The following ADPRHL1 variants were observed in gnomAD, a reference collection of about 807,000 sequenced individuals.
The protein encoded by ADPRHL1 is inactive ADP-ribosyltransferase ARH2.
Under a neutral mutation model 44.1 loss-of-function variants are expected in ADPRHL1, and 43 were observed. That is an observed-to-expected ratio of 0.98 (90% CI 0.76 to 1.26). The LOEUF (loss-of-function observed/expected upper bound fraction) is 1.26. Among genes scored for constraint, ADPRHL1 ranks in the 50% most tolerant of loss-of-function variants. The pLI, the probability that ADPRHL1 is intolerant of heterozygous loss-of-function variation, is 0.00. For synonymous variants in ADPRHL1, 878 were observed against 1,017.4 expected (o/e 0.86, Z 2.61); for missense variants, 2,022 against 2,496.9 (o/e 0.81, Z 4.05).
chr13:113,411,905 C>T (rs2043854800), intron 7 of ADPRHL1, among the ~76,000 whole-genome samples: 1 of 152,264 alleles, frequency 6.6e-6, no homozygotes, highest in African/African-American at 2.4e-5. Flanking sequence ...GCTGTCCTGC[C>T]ATTCCCCTGG....
intron 7 of ADPRHL1, among the ~76,000 whole-genome samples, chr13:113,416,847 G>A (rs909206970): frequency 1.3e-5 from 2 of 152,206 alleles, no homozygotes; most frequent in Non-Finnish European, 2.9e-5. Context: ...AGGATATAGG[G>A]TCGGCAGGTT....
chr13:113,407,862 G>C lies in ADPRHL1; in HGVS notation c.1420C>G (p.Leu474Val), dbSNP rs964821941. ...GGLVGATINK[L>V]LEKTKEPAPK... is the part of the protein sequence containing the mutation. ...GCCGGCTCCTTGGTCTTCTCCAGGA[G>C]CTTGTTGATGGTGGCACCCACGAGG... Residue 474 changes from leucine to valine, a missense_variant, in exon 8 of 8, where the codon CTC (leucine) becomes GTC (valine). Physicochemically the swap from Leu to Val is conservative, Grantham distance 32 (BLOSUM62 1). Coordinates refer to ENST00000612156, the MANE Select transcript of ADPRHL1 (RefSeq NM_001394807.1). 48 of 1,231,868 alleles carry C rather than the reference G, an allele frequency of 3.9e-5. No homozygotes were observed. Among genetic ancestry groups the C allele is most frequent in the Admixed American group, 8.4e-5 (2 of 23,712 alleles). 76.3% of individuals were successfully genotyped at this position (1,231,868 alleles called of 1,614,324 possible). A position where few individuals can be genotyped will look rare whatever the true frequency, so the allele number is the denominator to read the frequency against.
At chr13:113,435,205 ATAGGTGTACCCCGGGACCCAGCACCCAGG>A (rs2044042561) in intron 2 of ADPRHL1, among the ~76,000 whole-genome samples, 2 of 19,460 alleles carry the variant, frequency 1.0e-4, no homozygotes, top group Non-Finnish European at 2.9e-4. Flanking sequence ...TAGAGTGAAC[ATAGGTGTACCCCGGGACCCAGCACCCAGG>A]TGTAGAGTGA....
chr13:113,408,928 G>A, intron 7 of ADPRHL1, among the ~76,000 whole-genome samples: 1 of 150,776 alleles, frequency 6.6e-6, no homozygotes, highest in South Asian at 2.1e-4. Context: ...GGAGGAGCGG[G>A]TTGCAGAGAG....
chr13:113,404,152 C>G lies in ADPRHL1; in HGVS notation c.5130G>C (p.Glu1710Asp). ...CTTTCTGGGCCTGTTCCCGAGCCCG[C>G]TCCTGAGCCCCTTTCTGGGCCTGTT... ...AREQAQKGAQ[E>D]RAREQAQKGA... Residue 1710 changes from glutamate (E) to aspartate (D), a missense_variant, in exon 8 of 8, where the codon GAG becomes GAC. Transcript: ENST00000612156. 1 of 623,072 alleles carries G rather than the reference C, an allele frequency of 1.6e-6. No homozygotes were observed. Among genetic ancestry groups the G allele is most frequent in the African/African-American group, 7.7e-5 (1 of 12,912 alleles). 38.6% of individuals were successfully genotyped at this position (623,072 alleles called of 1,614,324 possible). A position where few individuals can be genotyped will look rare whatever the true frequency, so the allele number is the denominator to read the frequency against.
At position 113,424,296 on chromosome 13, in the gene ADPRHL1, G is replaced by C. The variant is rs1321308932; in HGVS notation, c.828C>G (p.Ala276=). Reference sequence around the variant, plus strand: ...GGAGGGCGTCATAGGCTATCATGGGGGCATCGTGGCCTCGTCTTCCCCCTC... The same window carrying C: ...GGAGGGCGTCATAGGCTATCATGGGCGCATCGTGGCCTCGTCTTCCCCCTC... ...EGRGGRRGHD[A]PMIAYDALLA... Residue 276 remains alanine (A), a synonymous_variant, in exon 6 of 8, where the codon GCC becomes GCG. Coordinates refer to ENST00000612156, the MANE Select transcript of ADPRHL1 (RefSeq NM_001394807.1). 3.1e-6 allele frequency: 5 copies of C among 1,612,918 alleles called. No homozygotes were observed. In the South Asian group the frequency reaches 5.5e-5, roughly 18 times the overall value.
At chr13:113,411,498 G>A (rs551015237) in intron 7 of ADPRHL1, among the ~76,000 whole-genome samples, 2 of 152,318 alleles carry the variant, frequency 1.3e-5, no homozygotes, top group East Asian at 1.9e-4. Context: ...TGAGGTCAGC[G>A]TGTCATCAAG....
At chr13:113,451,497 T>TAGAGCA (rs1414495469) in intron 1 of ADPRHL1, among the ~76,000 whole-genome samples, 1 of 152,028 alleles carries the variant, frequency 6.6e-6, no homozygotes, top group Non-Finnish European at 1.5e-5. Flanking sequence ...CCTGAGAGCT[T>TAGAGCA]AGAGCAAACT....
intron 6 of ADPRHL1, among the ~76,000 whole-genome samples, 196 bp downstream of exon 6, chr13:113,424,021 A>AG (rs2043945137): frequency 1.3e-5 from 2 of 152,214 alleles, no homozygotes; most frequent in African/African-American, 4.8e-5. Flanking sequence ...TCCTCACATG[A>AG]GCACGCTTAG....
intron 2 of ADPRHL1, among the ~76,000 whole-genome samples, chr13:113,435,163 A>G (rs368258904): frequency 1.8e-5 from 1 of 54,188 alleles, no homozygotes; most frequent in African/African-American, 6.5e-5. Context: ...TAGAGTGAAC[A>G]TAGGTGTACC....
intron 3 of ADPRHL1, among the ~76,000 whole-genome samples, chr13:113,431,435 G>A (rs937799618): frequency 3.3e-5 from 5 of 152,210 alleles, no homozygotes; most frequent in East Asian, 1.9e-4. Flanking sequence ...CTGCAGCAGC[G>A]GCAAGAGTCT....
chr13:113,440,403 A>T (rs2044088685), intron 2 of ADPRHL1, among the ~76,000 whole-genome samples: 1 of 151,682 alleles, frequency 6.6e-6, no homozygotes. Context: ...ATGTGTTACT[A>T]ATATAGTAAC....
At chr13:113,444,891 G>A (rs199689550) in intron 1 of ADPRHL1, among the ~76,000 whole-genome samples, 6 of 152,172 alleles carry the variant, frequency 3.9e-5, no homozygotes, top group African/African-American at 1.4e-4. Context: ...CCAAAGTGCT[G>A]GGATTACAGG....
At chr13:113,433,367 T>C (rs1169448602) in intron 3 of ADPRHL1, among the ~76,000 whole-genome samples, 2 of 152,220 alleles carry the variant, frequency 1.3e-5, no homozygotes, top group Non-Finnish European at 2.9e-5. Context: ...TCTTTTGTTC[T>C]GACACAAATG....
rs2043798880 is a variant in ADPRHL1, at chr13:113,405,233, T to G, written c.4049A>C (p.Gln1350Pro). ...GGGGACACTGGCCCGGAGCTTTGCC[T>G]GTGTGTCACCAGCAGTAGGGGGCAG... ...AHLPPTAGDT[Q>P]AKLRASVPEP... Residue 1350 changes from glutamine to proline, a missense_variant, in exon 8 of 8, where the codon CAG becomes CCG. By Grantham distance (76) the Gln-to-Pro change is moderately conservative. Transcript: ENST00000612156. The G allele has an allele frequency of 1.3e-5, 16 of 1,231,738 alleles. No individual in the cohort carries two copies. In the South Asian group the frequency reaches 4.5e-4, roughly 35 times the overall value. 76.3% of individuals were successfully genotyped at this position (1,231,738 alleles called of 1,614,324 possible).
chr13:113,431,563 C>A (rs1211790978), intron 3 of ADPRHL1, among the ~76,000 whole-genome samples: 2 of 152,244 alleles, frequency 1.3e-5, no homozygotes, highest in Admixed American at 1.3e-4. Flanking sequence ...GGCTGTAACA[C>A]AAACTGTGGC....
intron 7 of ADPRHL1, among the ~76,000 whole-genome samples, chr13:113,420,984 A>G: frequency 2.6e-5 from 1 of 38,934 alleles, no homozygotes; most frequent in Non-Finnish European, 4.7e-5. Flanking sequence ...CCCACCCCCC[A>G]GGACCGCCAA....
chr13:113,448,016 C>A (rs937236725), intron 1 of ADPRHL1, among the ~76,000 whole-genome samples: 3 of 152,182 alleles, frequency 2.0e-5, no homozygotes, highest in African/African-American at 7.2e-5. Flanking sequence ...CTTTTCAAAG[C>A]AAACAGAAGC....
At chr13:113,415,311 A>G (rs1255060221) in intron 7 of ADPRHL1, among the ~76,000 whole-genome samples, 2 of 152,164 alleles carry the variant, frequency 1.3e-5, no homozygotes, top group African/African-American at 2.4e-5. Flanking sequence ...GTGGACCTGG[A>G]AAGGGTTTAA....
Sources: allele counts gnomAD v4.1 joint callset (sites outside exome capture counted in the v4.1 genomes callset), GRCh38; gene constraint gnomAD v4.1.1; transcripts MANE v1.5; gene names NCBI Gene and HGNC (gene_info 2026-07-23, HGNC 2026-07-21).